KDM4C: variants seen among roughly 807,000 people sequenced by gnomAD.
KDM4C encodes the protein lysine-specific demethylase 4C.
KDM4C carries 81 observed loss-of-function variants against 129.3 expected under a neutral mutation model. That is an observed-to-expected ratio of 0.63 (90% CI 0.52 to 0.75). The LOEUF (loss-of-function observed/expected upper bound fraction) is 0.75. KDM4C is among the 30% of genes least tolerant of loss of function. KDM4C has a pLI of 0.00. For synonymous variants in KDM4C, 573 were observed against 456.1 expected, an observed-to-expected ratio of 1.26 and a Z score of -3.26; for missense variants, 1,457 against 1,304.0, an observed-to-expected ratio of 1.12 and a Z score of -1.81.
chr9:6,905,688 A>G (rs931890373), intron 8 of KDM4C, among the ~76,000 whole-genome samples: 1 of 152,194 alleles, frequency 6.6e-6, no homozygotes, highest in South Asian at 2.1e-4. Flanking sequence ...TGGCATTTCT[A>G]TAGTGTAGGG....
intron 17 of KDM4C, among the ~76,000 whole-genome samples, chr9:7,098,807 A>T (rs1836747361): frequency 6.6e-6 from 1 of 152,172 alleles, no homozygotes; most frequent in African/African-American, 2.4e-5. Context: ...TTACTGTAGA[A>T]CTCAGACTTC....
intron 17 of KDM4C, among the ~76,000 whole-genome samples, chr9:7,079,533 G>T (rs978245043): frequency 6.6e-6 from 1 of 152,164 alleles, no homozygotes; most frequent in African/African-American, 2.4e-5. Flanking sequence ...TGTTGGCCAG[G>T]CTGGTCTTGA....
chr9:7,053,915 C>G (rs1302342994), intron 17 of KDM4C, among the ~76,000 whole-genome samples: 1 of 152,226 alleles, frequency 6.6e-6, no homozygotes, highest in East Asian at 1.9e-4. Flanking sequence ...GGGCTAAAGA[C>G]TTCATATCCA....
chr9:7,021,120 ATGTGTG>A (rs576805327), intron 15 of KDM4C, among the ~76,000 whole-genome samples: 1 of 128,300 alleles, frequency 7.8e-6, no homozygotes, highest in African/African-American at 2.9e-5. Context: ...ACATATATAT[ATGTGTG>A]TGTGTGTGTG....
At chr9:7,171,284 A>C (rs1844933906) in intron 21 of KDM4C, among the ~76,000 whole-genome samples, 4 of 152,178 alleles carry the variant, frequency 2.6e-5, no homozygotes, top group African/African-American at 9.7e-5. Context: ...ACAGCAAGCA[A>C]AGAAAAAATT....
intron 17 of KDM4C, among the ~76,000 whole-genome samples, chr9:7,049,537 T>A (rs1829861814): frequency 6.6e-6 from 1 of 152,108 alleles, no homozygotes; most frequent in African/African-American, 2.4e-5. Flanking sequence ...TTGTTTAGAT[T>A]TTTCTCTCTT....
intron 12 of KDM4C, among the ~76,000 whole-genome samples, chr9:7,008,926 A>T (rs1350742790): frequency 6.6e-6 from 1 of 152,242 alleles, no homozygotes; most frequent in African/African-American, 2.4e-5. Context: ...CAAAGGTTGG[A>T]ATAAGTCACT....
intron 8 of KDM4C, among the ~76,000 whole-genome samples, chr9:6,928,533 G>T (rs1217378223): frequency 6.6e-6 from 1 of 151,748 alleles, no homozygotes; most frequent in Admixed American, 6.6e-5. Flanking sequence ...GATTGTAGAG[G>T]GTAGTTCTAT....
At chr9:6,900,583 C>T (rs1034613727) in intron 8 of KDM4C, among the ~76,000 whole-genome samples, 4 of 152,136 alleles carry the variant, frequency 2.6e-5, no homozygotes, top group East Asian at 1.9e-4. Context: ...TACAGTGAGC[C>T]GTGATCACAC....
At chr9:7,137,185 C>T (rs751189730) in intron 19 of KDM4C, among the ~76,000 whole-genome samples, 18 of 152,182 alleles carry the variant, frequency 1.2e-4, no homozygotes, top group Non-Finnish European at 2.5e-4. Flanking sequence ...ATTGGCGCAC[C>T]TGCTGGTCCC....
At chr9:6,770,562 A>G (rs1199137417) in intron 1 of KDM4C, among the ~76,000 whole-genome samples, 1 of 150,506 alleles carries the variant, frequency 6.6e-6, no homozygotes, top group Non-Finnish European at 1.5e-5. Flanking sequence ...CATCACATTC[A>G]TTTCCCTCAA....
intron 4 of KDM4C, among the ~76,000 whole-genome samples, chr9:6,840,639 C>A (rs1300893988): frequency 6.6e-6 from 1 of 152,164 alleles, no homozygotes. Context: ...TTGTGATCCG[C>A]CCCCACTTCG....
intron 8 of KDM4C, among the ~76,000 whole-genome samples, chr9:6,957,475 G>C (rs900701455): frequency 6.6e-6 from 1 of 152,082 alleles, no homozygotes; most frequent in Non-Finnish European, 1.5e-5. Flanking sequence ...CACTTTTAGA[G>C]CTTGTTAATA....
intron 18 of KDM4C, among the ~76,000 whole-genome samples, chr9:7,110,253 A>G (rs996222309): frequency 5.9e-5 from 9 of 152,156 alleles, no homozygotes; most frequent in African/African-American, 2.2e-4. Flanking sequence ...TCTACTAGAG[A>G]CCAAATTTGC....
At chr9:7,004,591 T>C (rs1821317250) in intron 12 of KDM4C, among the ~76,000 whole-genome samples, 1 of 152,222 alleles carries the variant, frequency 6.6e-6, no homozygotes, top group South Asian at 2.1e-4. Flanking sequence ...TGCCATAATT[T>C]ATTTGCATAT....
At chr9:7,049,668 A>G (rs923789273) in intron 17 of KDM4C, among the ~76,000 whole-genome samples, 2 of 152,072 alleles carry the variant, frequency 1.3e-5, no homozygotes, top group Non-Finnish European at 2.9e-5. Context: ...ATATTTTCTC[A>G]CTCTTGAATA....
intron 16 of KDM4C, 140 bp from the exon 17 acceptor site, chr9:7,048,952 A>T: frequency 3.4e-6 from 2 of 591,620 alleles, no homozygotes; most frequent in Non-Finnish European, 6.1e-6. Context: ...TTTACAGTTC[A>T]GAATCTGTTT....
chr9:6,875,437 T>G (rs1843401225), intron 5 of KDM4C, among the ~76,000 whole-genome samples: 1 of 152,204 alleles, frequency 6.6e-6, no homozygotes, highest in African/African-American at 2.4e-5. Context: ...GGTGTTTTGT[T>G]GTATCTTATT....
intron 5 of KDM4C, among the ~76,000 whole-genome samples, chr9:6,872,460 A>G (rs1488388587): frequency 6.6e-6 from 1 of 152,166 alleles, no homozygotes; most frequent in Non-Finnish European, 1.5e-5. Flanking sequence ...TCTAATATTA[A>G]TAGTGGGGTG....
Sources: allele counts gnomAD v4.1 joint callset (sites outside exome capture counted in the v4.1 genomes callset), GRCh38; gene constraint gnomAD v4.1.1; transcripts MANE v1.5; gene names NCBI Gene and HGNC (gene_info 2026-07-23, HGNC 2026-07-21).